ZNF224: variants seen among roughly 807,000 people sequenced by gnomAD.
The protein encoded by ZNF224 is bone marrow zinc finger 2.
Under a neutral mutation model 10.5 loss-of-function variants are expected in ZNF224, and 8 were observed. The ratio of observed to expected loss-of-function variants is 0.76; its 90% CI spans 0.45 to 1.37. ZNF224 has a LOEUF of 1.37. Among genes scored for constraint, ZNF224 ranks in the 40% most tolerant of loss-of-function variants. ZNF224 has a pLI of 0.00. For missense variants in ZNF224, 754 were observed against 854.0 expected (o/e 0.88, Z 1.46); for synonymous variants, 282 against 287.8 (o/e 0.98, Z 0.20).
At chr19:44,098,196 T>A (rs958684095) in intron 3 of ZNF224, among the ~76,000 whole-genome samples, 13 of 152,246 alleles carry the variant, frequency 8.5e-5, no homozygotes, top group Non-Finnish European at 1.5e-5. Flanking sequence ...CATTCATAAC[T>A]GTATTTGTAT....
rs1309964736 is a variant in ZNF224 at position 44,106,473 on chromosome 19, G to GA, written c.319dup (p.Ile107AsnfsTer4). On this transcript the variant is annotated frameshift_variant, in exon 6 of 6. Coordinates refer to ENST00000693561, the MANE Select transcript of ZNF224 (RefSeq NM_001321645.3). LOFTEE classifies it low-confidence loss of function (END_TRUNC). ...AGAGTGGTCCTTCCAGCAAATCTGGGAAAAAATTGCAAGTGATTTAACCAG... is the reference window on the plus strand; with the variant it reads ...AGAGTGGTCCTTCCAGCAAATCTGGGAAAAAAATTGCAAGTGATTTAACCAG... The GA allele has an allele frequency of 6.2e-7, 1 of 1,614,024 alleles. No homozygotes were observed. Among genetic ancestry groups the GA allele is most frequent in the Non-Finnish European group, 8.5e-7 (1 of 1,180,044 alleles).
At chr19:44,104,876 A>C (rs1233713745) in intron 5 of ZNF224, among the ~76,000 whole-genome samples, 1 of 152,144 alleles carries the variant, frequency 6.6e-6, no homozygotes, top group Non-Finnish European at 1.5e-5. Context: ...GTTAGCCAGG[A>C]TGGTCTCGAT....
chr19:44,106,593 C>A lies in ZNF224; in HGVS notation c.433C>A (p.Gln145Lys). The A allele has an allele frequency of 6.2e-7, 1 of 1,609,746 alleles. No individual in the cohort carries two copies. Among genetic ancestry groups the A allele is most frequent in the Non-Finnish European group, 8.5e-7 (1 of 1,177,472 alleles). The change falls in exon 6 of 6, where the codon CAG (glutamine) becomes AAG (lysine). Residue 145 changes from glutamine to lysine, a missense_variant. By Grantham distance (53) the Gln-to-Lys change is moderately conservative. Coordinates refer to ENST00000693561, the MANE Select transcript of ZNF224 (RefSeq NM_001321645.3). ...AGGACTATCTGTAATTCACACAAGA[C>A]AGAAATCTTCCCAGGGCAATGGATA... ...EAGLSVIHTR[Q>K]KSSQGNGYKP...
Position 44,106,943 on chromosome 19 carries a change from T to C in ZNF224, c.783T>C (p.Asn261=), listed in dbSNP as rs1399600913. 7 of 1,609,432 alleles carry C rather than the reference T, an allele frequency of 4.3e-6. No homozygotes were observed. Among genetic ancestry groups the C allele is most frequent in the Non-Finnish European group, 4.2e-6 (5 of 1,177,302 alleles). The stretch of plus-strand genomic sequence containing the variant: ...TACACACAGGAGAGAAACCTTATAA[T>C]TGTGAGGAATGCGGGAAGGCCTTCA... ...HKLHTGEKPY[N]CEECGKAFIH... The change falls in exon 6 of 6, where the codon AAT becomes AAC. Residue 261 remains asparagine (N), a synonymous_variant. Transcript: ENST00000693561.
Position 44,108,661 on chromosome 19 carries a change from A to C in ZNF224, c.*377A>C, listed in dbSNP as rs1477491993. On this transcript the variant is annotated 3_prime_UTR_variant, in exon 6 of 6. Coordinates refer to ENST00000693561, the MANE Select transcript of ZNF224 (RefSeq NM_001321645.3). ...TACCAGACTAATGGTGGACATGTCC[A>C]AATTGATGTCCACTAGAATGTAAAC... 2 of 520,102 alleles carry C rather than the reference A, an allele frequency of 3.8e-6. No individual in the cohort carries two copies. Among genetic ancestry groups the C allele is most frequent in the Non-Finnish European group, 7.7e-6 (2 of 261,046 alleles). The allele number at this position is 520,102 out of a possible 1,614,324, so 32.2% of individuals were successfully genotyped here. A position where few individuals can be genotyped will look rare whatever the true frequency, so the allele number is the denominator to read the frequency against.
intron 5 of ZNF224, among the ~76,000 whole-genome samples, chr19:44,103,951 A>G (rs1967596857): frequency 6.6e-6 from 1 of 152,166 alleles, no homozygotes; most frequent in Non-Finnish European, 1.5e-5. Context: ...TTGGCCTCTC[A>G]AAGTGCTGAG....
intron 2 of ZNF224, among the ~76,000 whole-genome samples, chr19:44,097,550 G>A (rs1967463489): frequency 6.6e-6 from 1 of 152,188 alleles, no homozygotes; most frequent in Non-Finnish European, 1.5e-5. Flanking sequence ...ATGTTTCAAA[G>A]GTTCATGTAT....
At chr19:44,105,293 A>G (rs1167186046) in intron 5 of ZNF224, 1 of 152,198 alleles carries the variant, frequency 6.6e-6, no homozygotes, top group Admixed American at 6.5e-5. Flanking sequence ...TAATATCTTT[A>G]CTTTGTAAGG....
chr19:44,101,850 T>C (rs1172489218), intron 5 of ZNF224, among the ~76,000 whole-genome samples: 1 of 152,204 alleles, frequency 6.6e-6, no homozygotes, highest in Non-Finnish European at 1.5e-5. Context: ...ACTCCTTGGC[T>C]CTTGCTTCCC....
At position 44,107,785 on chromosome 19, in the gene ZNF224, G is replaced by T. The variant is rs201021428; in HGVS notation, c.1625G>T (p.Cys542Phe). The change falls in exon 6 of 6, where the codon TGT (cysteine) becomes TTT (phenylalanine). Residue 542 changes from cysteine (C) to phenylalanine (F), a missense_variant. Physicochemically the swap from Cys to Phe is radical, Grantham distance 205 (BLOSUM62 -2). Coordinates refer to ENST00000693561, the MANE Select transcript of ZNF224 (RefSeq NM_001321645.3). ...CACACAGGAGAGAGACCATACAATT[G>T]TAAGGAATGTGGGAAGAGTTTTGGC... The part of the protein sequence containing the change: ...KVHTGERPYN[C>F]KECGKSFGWA... 1.2e-6 allele frequency: 2 copies of T among 1,601,658 alleles called. No homozygotes were observed. Among genetic ancestry groups the T allele is most frequent in the East Asian group, 2.3e-5 (1 of 44,318 alleles).
chr19:44,098,087 T>C (rs994786439), intron 3 of ZNF224, among the ~76,000 whole-genome samples, 199 bp downstream of exon 3: 4 of 152,226 alleles, frequency 2.6e-5, no homozygotes, highest in Non-Finnish European at 5.9e-5. Context: ...ATTTATTCTA[T>C]GGAGTAGACA....
Position 44,106,640 on chromosome 19 carries a change from C to T in ZNF224, c.480C>T (p.Val160=), listed in dbSNP as rs1188949946. ...GATATAAACCATCCTTCAGTGATGT[C>T]TCCCACTTTGATTTTCATCAACAAT... is the stretch of plus-strand genomic sequence containing the variant. The part of the protein sequence containing the change: ...GNGYKPSFSD[V]SHFDFHQQLH... Residue 160 remains valine (V), a synonymous_variant, in exon 6 of 6, where the codon GTC becomes GTT. Transcript: ENST00000693561. 9 of 1,595,758 alleles carry T rather than the reference C, an allele frequency of 5.6e-6. No homozygotes were observed. Among genetic ancestry groups the T allele is most frequent in the Non-Finnish European group, 7.7e-6 (9 of 1,170,126 alleles).
Position 44,107,223 on chromosome 19 carries a change from T to G in ZNF224, c.1063T>G (p.Cys355Gly). Reference sequence around the variant, plus strand: ...TGAGGAGTGTGGAAAAGGCTTTATTTGTAGGCGAGATCTTTATACGCATCA... The same window carrying G: ...TGAGGAGTGTGGAAAAGGCTTTATTGGTAGGCGAGATCTTTATACGCATCA... ...KCEECGKGFI[C>G]RRDLYTHHMV... Residue 355 changes from cysteine to glycine, a missense_variant, in exon 6 of 6, where the codon TGT (cysteine) becomes GGT (glycine). By Grantham distance (159) the Cys-to-Gly change is radical. Transcript: ENST00000693561. 3 of 1,601,340 alleles carry G rather than the reference T, an allele frequency of 1.9e-6. No homozygotes were observed. Among genetic ancestry groups the G allele is most frequent in the Non-Finnish European group, 2.6e-6 (3 of 1,173,456 alleles).
Position 44,107,872 on chromosome 19 carries a change from AAG to A in ZNF224, c.1715_1716del (p.Glu572ValfsTer27). ...AGTGGAGAAAAACCATTCAAATGTG[AAG>A]AGTGTGGGAAAAGATTTACTCAGAA... On this transcript the variant is annotated frameshift_variant, in exon 6 of 6. Transcript: ENST00000693561. LOFTEE classifies it low-confidence loss of function (END_TRUNC). 1 of 1,601,634 alleles carries A rather than the reference AAG, an allele frequency of 6.2e-7. No homozygotes were observed. The highest frequency in any genetic ancestry group is 1.1e-5 in the South Asian group (1 of 90,412).
chr19:44,100,730 C>G, intron 3 of ZNF224, 71 bp from the exon 4 acceptor site: 1 of 1,542,270 alleles, frequency 6.5e-7, no homozygotes, highest in Non-Finnish European at 8.8e-7. Context: ...TCCCCTCTGT[C>G]TGCTCAGTGC....
chr19:44,106,157 C>T (rs1291548687), intron 5 of ZNF224: 6 of 529,108 alleles, frequency 1.1e-5, no homozygotes, highest in Non-Finnish European at 2.0e-5. Context: ...TTCTTCTCAC[C>T]ACACCCATGT....
At position 44,108,198 on chromosome 19, in the gene ZNF224, T is replaced by A. The variant is rs149659643; in HGVS notation, c.2038T>A (p.Trp680Arg). Residue 680 changes from tryptophan to arginine, a missense_variant, in exon 6 of 6, where the codon TGG (tryptophan) becomes AGG (arginine). Physicochemically the swap from Trp to Arg is moderately radical, Grantham distance 101 (BLOSUM62 -3). Coordinates refer to ENST00000693561, the MANE Select transcript of ZNF224 (RefSeq NM_001321645.3). ...HQRVHMGEKT[W>R]KCRECDMCFS... Reference sequence around the variant, plus strand: ...GAGGGTCCACATGGGAGAGAAAACATGGAAGTGTAGGGAGTGTGATATGTG... The same window carrying A: ...GAGGGTCCACATGGGAGAGAAAACAAGGAAGTGTAGGGAGTGTGATATGTG... The A allele has an allele frequency of 9.3e-6, 15 of 1,614,128 alleles. No homozygotes were observed. The highest frequency in any genetic ancestry group is 1.3e-5 in the Non-Finnish European group (15 of 1,179,962).
In ZNF224 at chr19:44,107,249, T is replaced by C. The variant is rs1242310232; in HGVS notation, c.1089T>C (p.His363=). The C allele has an allele frequency of 6.3e-7, 1 of 1,593,930 alleles. No individual in the cohort carries two copies. Among genetic ancestry groups the C allele is most frequent in the Non-Finnish European group, 8.5e-7 (1 of 1,169,752 alleles). The change falls in exon 6 of 6, where the codon CAT becomes CAC. Residue 363 remains histidine, a synonymous_variant. Transcript: ENST00000693561. ...GTAGGCGAGATCTTTATACGCATCA[T>C]ATGGTCCACACGGGAGAAAAGCCAT... is the stretch of plus-strand genomic sequence containing the variant. ...FICRRDLYTH[H]MVHTGEKPYN...
chr19:44,107,919 CAA>C lies in ZNF224; in HGVS notation c.1761_1762del (p.Arg588SerfsTer11), dbSNP rs748661415. ...FTQNSQLHSHQRVHTGEKPYK... is the reference protein window; with the variant it reads ...FTQNSQLHSHXRVHTGEKPYK... Reference sequence around the variant, plus strand: ...TCAGAATTCACAGCTTCATTCTCATCAAAGAGTGCACACTGGAGAAAAGCCAT... The same window carrying C: ...TCAGAATTCACAGCTTCATTCTCATCAGAGTGCACACTGGAGAAAAGCCAT... On this transcript the variant is annotated frameshift_variant, in exon 6 of 6. Coordinates refer to ENST00000693561, the MANE Select transcript of ZNF224 (RefSeq NM_001321645.3). LOFTEE classifies it low-confidence loss of function (END_TRUNC). 42 of 1,614,012 alleles carry C rather than the reference CAA, an allele frequency of 2.6e-5. No homozygotes were observed. Among genetic ancestry groups the C allele is most frequent in the Non-Finnish European group, 3.2e-5 (38 of 1,180,040 alleles).
Sources: allele counts gnomAD v4.1 joint callset (sites outside exome capture counted in the v4.1 genomes callset), GRCh38; gene constraint gnomAD v4.1.1; transcripts MANE v1.5; gene names NCBI Gene and HGNC (gene_info 2026-07-23, HGNC 2026-07-21).